ABL1: variants seen among roughly 807,000 people sequenced by gnomAD.
The protein encoded by ABL1 is tyrosine-protein kinase ABL1.
In ABL1, 11 loss-of-function variants were observed where a neutral mutation model predicts 94.7. The observed-to-expected ratio is 0.12, with a 90% CI of 0.07 to 0.19. The LOEUF is 0.19. Ranked by LOEUF, ABL1 falls within the 10% of genes least tolerant of loss-of-function variation. ABL1 has a pLI of 1.00. For missense variants in ABL1, 1,082 were observed against 1,489.4 expected (o/e 0.73, Z 4.50); for synonymous variants, 656 against 622.4 (o/e 1.05, Z -0.80).
At chr9:130,828,501 G>T (rs143405004) in intron 1 of ABL1, among the ~76,000 whole-genome samples, 1 of 152,196 alleles carries the variant, frequency 6.6e-6, no homozygotes, top group African/African-American at 2.4e-5. Flanking sequence ...TGACAAAAAC[G>T]TTGATTACTT....
chr9:130,873,381 A>T (rs944035677), intron 6 of ABL1, among the ~76,000 whole-genome samples: 1 of 152,226 alleles, frequency 6.6e-6, no homozygotes. Flanking sequence ...CCTCTGAAAG[A>T]GAGTACTCAT....
chr9:130,868,728 C>T (rs935870756), intron 4 of ABL1, among the ~76,000 whole-genome samples: 7 of 151,842 alleles, frequency 4.6e-5, no homozygotes, highest in African/African-American at 1.7e-4. Context: ...ACCATGTGGC[C>T]AGGCTGGTCT....
chr9:130,764,266 C>T (rs1832153743), intron 1 of ABL1, among the ~76,000 whole-genome samples: 1 of 152,076 alleles, frequency 6.6e-6, no homozygotes, highest in Non-Finnish European at 1.5e-5. Flanking sequence ...AAATAGGAGC[C>T]GAGTTTTCTG....
chr9:130,730,659 C>T (rs1288624506), intron 1 of ABL1, among the ~76,000 whole-genome samples: 1 of 151,890 alleles, frequency 6.6e-6, no homozygotes, highest in Non-Finnish European at 1.5e-5. Context: ...CCAACCTTGA[C>T]CTCCTGGGCT....
At chr9:130,747,701 C>T (rs753019679) in intron 1 of ABL1, among the ~76,000 whole-genome samples, 1 of 152,226 alleles carries the variant, frequency 6.6e-6, no homozygotes, top group Non-Finnish European at 1.5e-5. Context: ...GCATGAGCCA[C>T]TGTACCCAGC....
At chr9:130,761,878 C>G (rs890541309) in intron 1 of ABL1, among the ~76,000 whole-genome samples, 2 of 152,172 alleles carry the variant, frequency 1.3e-5, no homozygotes, top group South Asian at 2.1e-4. Context: ...CTCAGTGGCT[C>G]ACACCTGTAA....
chr9:130,771,567 A>G (rs1832251188), intron 1 of ABL1, among the ~76,000 whole-genome samples: 1 of 152,130 alleles, frequency 6.6e-6, no homozygotes, highest in Non-Finnish European at 1.5e-5. Flanking sequence ...ACAGGAAAAG[A>G]AAAAATACAT....
intron 1 of ABL1, among the ~76,000 whole-genome samples, chr9:130,797,450 C>G (rs1829995214): frequency 6.6e-6 from 1 of 152,152 alleles, no homozygotes; most frequent in South Asian, 2.1e-4. Context: ...TCTTAGCTCA[C>G]TGCAACTTCT....
rs369358882 is a variant in ABL1 at position 130,885,173 on chromosome 9, G to A, written c.2883G>A (p.Pro961=). Residue 961 remains proline (P), a synonymous_variant, in exon 11 of 11, where the codon CCG becomes CCA. Coordinates refer to ENST00000318560, the MANE Select transcript of ABL1 (RefSeq NM_005157.6). The stretch of plus-strand genomic sequence containing the variant: ...AGGGCCTCAAAAAGCCCGTGCTCCC[G>A]GCCACTCCAAAGCCACAGTCCGCCA... ...PGEGLKKPVL[P]ATPKPQSAKP... 2.0e-4 allele frequency: 321 copies of A among 1,613,334 alleles called. 2 individuals carry two copies. The South Asian group carries it at 2.4e-3, about 12-fold the overall frequency.
chr9:130,862,177 A>C lies in ABL1; in HGVS notation c.550-586A>C, dbSNP rs574317096. ...TTTTCCTACCAGCAACTACCCACCA[A>C]GTTCTACCATGTGTTAATTTAATCA... On this transcript the variant is annotated intron_variant, in intron 3 of 10. Transcript: ENST00000318560. This position sits in a 1 kb window ranked among gnomAD's most constrained non-coding sequence, Gnocchi z 5.5. Among the ~76,000 whole-genome samples, 27 of 152,346 alleles carry C rather than the reference A, an allele frequency of 1.8e-4. No homozygotes were observed. Among genetic ancestry groups the C allele is most frequent in the Non-Finnish European group, 3.1e-4 (21 of 68,040 alleles).
chr9:130,735,961 A>ATATATATATATATATATTTTTTTTT (rs573602038), intron 1 of ABL1, among the ~76,000 whole-genome samples: 1 of 94,886 alleles, frequency 1.1e-5, no homozygotes, highest in African/African-American at 6.4e-5. Flanking sequence ...ATATATATAT[A>ATATATATATATATATATTTTTTTTT]TTTTTTTTTT....
At chr9:130,719,981 C>T (rs1831495320) in intron 1 of ABL1, among the ~76,000 whole-genome samples, 1 of 152,174 alleles carries the variant, frequency 6.6e-6, no homozygotes, top group Non-Finnish European at 1.5e-5. Context: ...ATGTTCCTTT[C>T]AAATTTCAGT....
rs1232912664 is a variant in ABL1, at chr9:130,807,666, TTTTA to T, written c.137-46396_137-46393del. Reference sequence around the variant, plus strand: ...CCATTATATTTTATACATTCCTTAATTTTATATATATATATATATATATATATAG... The same window carrying T: ...CCATTATATTTTATACATTCCTTAATTATATATATATATATATATATATAG... On this transcript the variant is annotated intron_variant, in intron 1 of 10. Coordinates refer to the ABL1 transcript ENST00000372348. Among the ~76,000 whole-genome samples, 562 of 75,600 alleles carry T rather than the reference TTTTA, an allele frequency of 7.4e-3. 1 individual carries two copies. The highest frequency in any genetic ancestry group is 0.01 in the Admixed American group (61 of 5,882). The allele number at this position is 75,600 out of a possible 152,430, so 49.6% of individuals were successfully genotyped here. A position where few individuals can be genotyped will look rare whatever the true frequency, so the allele number is the denominator to read the frequency against.
At chr9:130,750,716 G>A (rs554920519) in intron 1 of ABL1, among the ~76,000 whole-genome samples, 11 of 132,490 alleles carry the variant, frequency 8.3e-5, no homozygotes, top group Admixed American at 8.2e-4. Flanking sequence ...GCACAATCTC[G>A]GCTCACTGCA....
chr9:130,813,020 C>G lies in ABL1; in HGVS notation c.137-41044C>G, dbSNP rs560319069. On this transcript the variant is annotated intron_variant, in intron 1 of 10. Coordinates refer to the ABL1 transcript ENST00000372348. ...CCTGAGGTCAGGAGTTCGAGACAAG[C>G]CTGGCCAACGTGGTGAAACCCCGTC... is the stretch of plus-strand genomic sequence containing the variant. Among the ~76,000 whole-genome samples, 6 of 151,348 alleles carry G rather than the reference C, an allele frequency of 4.0e-5. No homozygotes were observed. The East Asian group carries it at 1.2e-3, about 30-fold the overall frequency.
intron 10 of ABL1, 37 bp from the exon 11 acceptor site, chr9:130,883,932 T>C: frequency 6.4e-7 from 1 of 1,565,832 alleles, no homozygotes; most frequent in South Asian, 1.2e-5. Flanking sequence ...GCCTCTAGAG[T>C]TGTCTGGAGT....
chr9:130,796,920 CAAAAA>C (rs10607745), intron 1 of ABL1, among the ~76,000 whole-genome samples: 33 of 60,770 alleles, frequency 5.4e-4, no homozygotes, highest in African/African-American at 6.8e-4. Flanking sequence ...AACTTCATCT[CAAAAA>C]AAAAAAAAAA....
chr9:130,869,369 T>C (rs1489235460), intron 4 of ABL1, among the ~76,000 whole-genome samples: 1 of 152,244 alleles, frequency 6.6e-6, no homozygotes, highest in Non-Finnish European at 1.5e-5. Flanking sequence ...TGCCAGGAAC[T>C]GCTCTTGGCA....
rs71389357 is a variant in ABL1 at position 130,798,966 on chromosome 9, C to CAAAAAAAAAAAAAA, written c.137-55093_137-55080dup. On this transcript the variant is annotated intron_variant, in intron 1 of 10. Coordinates refer to the ABL1 transcript ENST00000372348. ...AGCCTGGGTGGCAGAGACTCCGTCTCAAAAAAAAAAAAAAAAAAGAATTGG... is the reference window on the plus strand; with the variant it reads ...AGCCTGGGTGGCAGAGACTCCGTCTCAAAAAAAAAAAAAAAAAAAAAAAAAAAAAAAAGAATTGG... Among the ~76,000 whole-genome samples the CAAAAAAAAAAAAAA allele has an allele frequency of 4.9e-4, 33 of 66,810 alleles. 2 individuals carry two copies. Among genetic ancestry groups the CAAAAAAAAAAAAAA allele is most frequent in the African/African-American group, 1.3e-3 (24 of 18,366 alleles). The allele number at this position is 66,810 out of a possible 152,430, so 43.8% of individuals were successfully genotyped here. A position where few individuals can be genotyped will look rare whatever the true frequency, so the allele number is the denominator to read the frequency against.
Sources: allele counts gnomAD v4.1 joint callset (sites outside exome capture counted in the v4.1 genomes callset), GRCh38; gene constraint gnomAD v4.1.1; non-coding constraint Gnocchi (gnomAD v3.1); transcripts MANE v1.5; gene names NCBI Gene and HGNC (gene_info 2026-07-23, HGNC 2026-07-21).